PARN: variants seen among roughly 807,000 people sequenced by gnomAD.
PARN encodes the protein poly(A)-specific ribonuclease PARN.
In PARN, 71 loss-of-function variants were observed where a neutral mutation model predicts 102.8. That is an observed-to-expected ratio of 0.69 (90% CI 0.57 to 0.84). The LOEUF is 0.84. Ranked by LOEUF, PARN falls within the 40% of genes least tolerant of loss-of-function variation. The probability of loss-of-function intolerance (pLI) is 0.00; values close to 1 mark genes in which losing one functional copy is unlikely to be tolerated. For missense variants in PARN, 782 were observed against 760.9 expected, an observed-to-expected ratio of 1.03 and a Z score of -0.33; for synonymous variants, 261 against 252.9, an observed-to-expected ratio of 1.03 and a Z score of -0.30.
intron 14 of PARN, 142 bp downstream of exon 14, chr16:14,586,176 A>G (rs1182966548): frequency 8.4e-6 from 5 of 592,170 alleles, no homozygotes; most frequent in East Asian, 2.9e-5. Flanking sequence ...TGGTTTCACT[A>G]TGTTGCCCAG....
At chr16:14,583,826 T>A (rs1012766494) in intron 16 of PARN, among the ~76,000 whole-genome samples, 3 of 152,112 alleles carry the variant, frequency 2.0e-5, no homozygotes, top group African/African-American at 7.2e-5. Flanking sequence ...TGGCCCGAGG[T>A]GGCAAAACAC....
chr16:14,597,989 C>A (rs1970629719), intron 12 of PARN, among the ~76,000 whole-genome samples: 1 of 151,682 alleles, frequency 6.6e-6, no homozygotes, highest in Non-Finnish European at 1.5e-5. Context: ...ACTAAAAATA[C>A]AGAAATTAGC....
chr16:14,448,151 A>ATT (rs147629404), intron 22 of PARN, among the ~76,000 whole-genome samples: 3 of 142,466 alleles, frequency 2.1e-5, no homozygotes, highest in Admixed American at 7.0e-5. Context: ...TGTCTGGCTA[A>ATT]TTTTTTTTTT....
intron 21 of PARN, among the ~76,000 whole-genome samples, chr16:14,551,268 T>G (rs1183114590): frequency 6.6e-6 from 1 of 151,722 alleles, no homozygotes; most frequent in African/African-American, 2.4e-5. Flanking sequence ...AATATTCAGT[T>G]TATTTGTTTG....
At chr16:14,487,389 A>T (rs2151604825) in intron 21 of PARN, among the ~76,000 whole-genome samples, 1 of 152,360 alleles carries the variant, frequency 6.6e-6, no homozygotes, top group South Asian at 2.1e-4. Flanking sequence ...GTATTAAGGA[A>T]TTACTTAAAA....
At chr16:14,559,910 GACTCT>G (rs1967947532) in intron 18 of PARN, among the ~76,000 whole-genome samples, 1 of 152,172 alleles carries the variant, frequency 6.6e-6, no homozygotes, top group Admixed American at 6.5e-5. Flanking sequence ...TTGTGAAACT[GACTCT>G]AAAACTGTGG....
At chr16:14,446,819 C>CA (rs1263315210) in intron 23 of PARN, 69 bp downstream of exon 23, 6 of 1,139,430 alleles carry the variant, frequency 5.3e-6, no homozygotes, top group Non-Finnish European at 6.2e-6. Flanking sequence ...ATTTCTCCCC[C>CA]AAAATAGGAG....
chr16:14,483,291 A>C (rs1765108925), intron 21 of PARN, among the ~76,000 whole-genome samples: 1 of 152,220 alleles, frequency 6.6e-6, no homozygotes, highest in South Asian at 2.1e-4. Context: ...CACACACTGA[A>C]GATCTCCGGT....
intron 22 of PARN, 66 bp downstream of exon 22, chr16:14,482,572 G>T: frequency 7.9e-7 from 1 of 1,269,086 alleles, no homozygotes; most frequent in Non-Finnish European, 1.1e-6. Context: ...ACAAACCTAT[G>T]AGAAGCAACA....
At chr16:14,555,888 T>C (rs1440291281) in intron 18 of PARN, among the ~76,000 whole-genome samples, 179 bp from the exon 19 acceptor site, 1 of 152,098 alleles carries the variant, frequency 6.6e-6, no homozygotes, top group Middle Eastern at 3.2e-3. Flanking sequence ...TTTTTTTAGA[T>C]GGAGTTTCAC....
rs1300384233 is a variant in PARN at position 14,608,289 on chromosome 16, C to T, written c.651G>A (p.Leu217=). ...ACAATATAAATACTTACTTCCAGCT[C>T]AAAGTCTGATAAATTAGTTTTCTTT... The part of the protein sequence containing the change: ...GFQRKLIYQT[L]SWKYPKGIHV... The change falls in exon 9 of 24, where the codon TTG becomes TTA. Residue 217 remains leucine (L), a synonymous_variant. Coordinates refer to ENST00000437198, the MANE Select transcript of PARN (RefSeq NM_002582.4). 6.5e-7 allele frequency: 1 copy of T among 1,540,626 alleles called. No individual in the cohort carries two copies. Among genetic ancestry groups the T allele is most frequent in the East Asian group, 2.4e-5 (1 of 40,844 alleles).
intron 22 of PARN, among the ~76,000 whole-genome samples, chr16:14,453,702 C>A (rs1288694055): frequency 2.0e-5 from 3 of 152,144 alleles, no homozygotes; most frequent in Non-Finnish European, 4.4e-5. Context: ...AATATTTAGT[C>A]TTTTGTTTGA....
At chr16:14,543,600 T>C (rs1180939723) in intron 21 of PARN, among the ~76,000 whole-genome samples, 1 of 152,160 alleles carries the variant, frequency 6.6e-6, no homozygotes, top group East Asian at 1.9e-4. Context: ...TGTGAAATGG[T>C]ATAATATGAA....
At chr16:14,510,472 C>A (rs952326000) in intron 21 of PARN, among the ~76,000 whole-genome samples, 1 of 151,954 alleles carries the variant, frequency 6.6e-6, no homozygotes, top group African/African-American at 2.4e-5. Context: ...CTACACTGAA[C>A]CACAAATTAT....
intron 23 of PARN, among the ~76,000 whole-genome samples, chr16:14,443,685 C>T (rs189037083): frequency 6.6e-6 from 1 of 152,314 alleles, no homozygotes; most frequent in East Asian, 1.9e-4. Flanking sequence ...TGTTGAGCAT[C>T]AGTTGTTCTG....
intron 5 of PARN, among the ~76,000 whole-genome samples, chr16:14,623,338 A>T (rs1285999912): frequency 6.6e-6 from 1 of 151,718 alleles, no homozygotes; most frequent in Admixed American, 6.6e-5. Context: ...ACATGGTGAA[A>T]CCCCGTCTCT....
chr16:14,448,025 C>T (rs1046513249), intron 22 of PARN, among the ~76,000 whole-genome samples: 12 of 152,154 alleles, frequency 7.9e-5, no homozygotes, highest in Non-Finnish European at 1.3e-4. Context: ...TGCTCTGTCA[C>T]CTAGGCTGGA....
At chr16:14,613,974 A>C (rs1971698125) in intron 6 of PARN, among the ~76,000 whole-genome samples, 1 of 152,168 alleles carries the variant, frequency 6.6e-6, no homozygotes, top group African/African-American at 2.4e-5. Context: ...AACACTAAAA[A>C]CAATAAATGA....
intron 18 of PARN, among the ~76,000 whole-genome samples, chr16:14,561,224 T>A (rs1034209468): frequency 6.6e-6 from 1 of 151,914 alleles, no homozygotes; most frequent in African/African-American, 2.4e-5. Flanking sequence ...GAAGGCTCAT[T>A]AGTTACTGAA....
Sources: allele counts gnomAD v4.1 joint callset (sites outside exome capture counted in the v4.1 genomes callset), GRCh38; gene constraint gnomAD v4.1.1; transcripts MANE v1.5; gene names NCBI Gene and HGNC (gene_info 2026-07-23, HGNC 2026-07-21).